CNTN5: variants seen among roughly 807,000 people sequenced by gnomAD.
CNTN5 encodes the protein contactin-5.
CNTN5 carries 77 observed loss-of-function variants against 129.1 expected under a neutral mutation model. The ratio of observed to expected loss-of-function variants is 0.60; its 90% CI spans 0.50 to 0.72. CNTN5 has a LOEUF of 0.72. Among genes scored for constraint, CNTN5 ranks in the 30% least tolerant of loss-of-function variants. The probability of loss-of-function intolerance (pLI) is 0.00; values close to 1 mark genes in which losing one functional copy is unlikely to be tolerated. For synonymous variants in CNTN5, 509 were observed against 465.6 expected, an observed-to-expected ratio of 1.09 and a Z score of -1.20; for missense variants, 1,478 against 1,328.8, an observed-to-expected ratio of 1.11 and a Z score of -1.75.
In CNTN5 at chr11:99,131,249, G is replaced by GAAAAAAAAAAAAAAAAAA. The variant is rs71046664; in HGVS notation, c.-210+109994_-210+109995insAAAAAAAAAAAAAAAAAA. Among the ~76,000 whole-genome samples the GAAAAAAAAAAAAAAAAAA allele has an allele frequency of 3.0e-5, 2 of 67,190 alleles. 1 individual carries two copies. 44.1% of individuals were successfully genotyped at this position (67,190 alleles called of 152,430 possible). A position where few individuals can be genotyped will look rare whatever the true frequency, so the allele number is the denominator to read the frequency against. ...GGTGACAGAGTGAGACTCCATCTCA[G>GAAAAAAAAAAAAAAAAAA]AAAAAAAAAAAAAAAGAAAAATTTA... is the stretch of plus-strand genomic sequence containing the variant. On this transcript the variant is annotated intron_variant, in intron 1 of 24. Coordinates refer to ENST00000524871, the MANE Select transcript of CNTN5 (RefSeq NM_014361.4).
At chr11:100,138,434 T>C (rs1223846060) in intron 13 of CNTN5, among the ~76,000 whole-genome samples, 1 of 152,042 alleles carries the variant, frequency 6.6e-6, no homozygotes, top group Non-Finnish European at 1.5e-5. Context: ...GACATTTTTG[T>C]AAAGAATGTG....
chr11:99,403,088 G>C (rs1047994087), intron 2 of CNTN5, among the ~76,000 whole-genome samples: 4 of 149,422 alleles, frequency 2.7e-5, no homozygotes, highest in African/African-American at 9.8e-5. Flanking sequence ...CTCACTGCAA[G>C]CTCCACCTCC....
intron 1 of CNTN5, among the ~76,000 whole-genome samples, chr11:99,043,259 T>C (rs938488090): frequency 2.6e-5 from 4 of 151,704 alleles, no homozygotes; most frequent in African/African-American, 9.7e-5. Context: ...GCATTAGGTA[T>C]ATCTCCCAAT....
At chr11:99,792,717 A>G (rs1945796206) in intron 3 of CNTN5, among the ~76,000 whole-genome samples, 1 of 151,980 alleles carries the variant, frequency 6.6e-6, no homozygotes, top group Non-Finnish European at 1.5e-5. Context: ...GCTCCTCTTT[A>G]TACATCTGGC....
At chr11:100,058,433 C>T (rs891121860) in intron 9 of CNTN5, among the ~76,000 whole-genome samples, 1 of 152,102 alleles carries the variant, frequency 6.6e-6, no homozygotes, top group Non-Finnish European at 1.5e-5. Flanking sequence ...ACCATGAACT[C>T]ACCAACGAAT....
chr11:99,068,391 C>T (rs769843914), intron 1 of CNTN5, among the ~76,000 whole-genome samples: 10 of 152,026 alleles, frequency 6.6e-5, no homozygotes, highest in Admixed American at 1.3e-4. Flanking sequence ...TAGATGAAAG[C>T]GGAGTGCACA....
intron 3 of CNTN5, among the ~76,000 whole-genome samples, chr11:99,684,832 A>G (rs966883681): frequency 6.6e-6 from 1 of 151,598 alleles, no homozygotes; most frequent in African/African-American, 2.4e-5. Flanking sequence ...ATGAATTTAT[A>G]TCTTCTCTTT....
rs1162212345 is a variant in CNTN5, at chr11:100,286,815, G to A, written c.2315-10810G>A. Reference sequence around the variant, plus strand: ...AGATGATCAAATTACTCTGAGCTACGGGAGGACATTCAAACCAAAGGCAAG... The same window carrying A: ...AGATGATCAAATTACTCTGAGCTACAGGAGGACATTCAAACCAAAGGCAAG... On this transcript the variant is annotated intron_variant, in intron 18 of 24. Coordinates refer to ENST00000524871, the MANE Select transcript of CNTN5 (RefSeq NM_014361.4). Among the ~76,000 whole-genome samples, 11 of 149,762 alleles carry A rather than the reference G, an allele frequency of 7.3e-5. 1 individual carries two copies. Among genetic ancestry groups the A allele is most frequent in the South Asian group, 2.1e-4 (1 of 4,698 alleles).
At chr11:99,764,683 T>C (rs1381841381) in intron 3 of CNTN5, among the ~76,000 whole-genome samples, 1 of 152,192 alleles carries the variant, frequency 6.6e-6, no homozygotes, top group East Asian at 1.9e-4. Context: ...CCCAAAGTGA[T>C]GAAATCAATT....
intron 3 of CNTN5, among the ~76,000 whole-genome samples, chr11:99,588,210 G>A (rs1949865660): frequency 6.6e-6 from 1 of 152,056 alleles, no homozygotes; most frequent in African/African-American, 2.4e-5. Context: ...TGGGCCTATT[G>A]GCGGACGCCT....
At chr11:99,892,998 T>G (rs1802159966) in intron 6 of CNTN5, among the ~76,000 whole-genome samples, 1 of 152,210 alleles carries the variant, frequency 6.6e-6, no homozygotes, top group African/African-American at 2.4e-5. Flanking sequence ...ATATATTGCA[T>G]GAGCATTAAG....
At chr11:99,516,813 T>C (rs1947071718) in intron 2 of CNTN5, among the ~76,000 whole-genome samples, 3 of 152,130 alleles carry the variant, frequency 2.0e-5, no homozygotes, top group Admixed American at 2.0e-4. Flanking sequence ...AGAACTTGTT[T>C]TTTCATTTCA....
intron 18 of CNTN5, among the ~76,000 whole-genome samples, chr11:100,283,810 G>A (rs1324624509): frequency 6.6e-6 from 1 of 152,088 alleles, no homozygotes; most frequent in African/African-American, 2.4e-5. Flanking sequence ...GCCGGGCGCG[G>A]TAGCGGGCAC....
intron 3 of CNTN5, among the ~76,000 whole-genome samples, chr11:99,630,346 C>T (rs1951296614): frequency 6.6e-6 from 1 of 151,800 alleles, no homozygotes; most frequent in Admixed American, 6.6e-5. Flanking sequence ...ATTTTCAGGA[C>T]ATCAGGGTGG....
chr11:99,259,182 A>G (rs1180694399), intron 1 of CNTN5, among the ~76,000 whole-genome samples: 1 of 151,924 alleles, frequency 6.6e-6, no homozygotes, highest in Non-Finnish European at 1.5e-5. Flanking sequence ...CTATGCACAA[A>G]TTATGTATCC....
rs138634120 is a variant in CNTN5 at position 99,423,996 on chromosome 11, C to T, written c.-71+98512C>T. On this transcript the variant is annotated intron_variant, in intron 2 of 24. Transcript: ENST00000524871. Reference sequence around the variant, plus strand: ...ATTTGTGGGTCATAAGTTCCAAGAACCCCATTAGGTGTCTGAAACTTTGGC... The same window carrying T: ...ATTTGTGGGTCATAAGTTCCAAGAATCCCATTAGGTGTCTGAAACTTTGGC... 5.2e-3 allele frequency among the ~76,000 whole-genome samples: 798 copies of T among 152,208 alleles called. 6 individuals are homozygous for T. Among genetic ancestry groups the T allele is most frequent in the Non-Finnish European group, 9.3e-3 (630 of 67,996 alleles).
At chr11:99,762,387 T>C (rs1565501177) in intron 3 of CNTN5, among the ~76,000 whole-genome samples, 1 of 152,042 alleles carries the variant, frequency 6.6e-6, no homozygotes, top group Admixed American at 6.6e-5. Context: ...TTTAGGGTTT[T>C]TATGGTTTTA....
At chr11:100,154,339 C>G (rs1483937376) in intron 13 of CNTN5, among the ~76,000 whole-genome samples, 1 of 91,032 alleles carries the variant, frequency 1.1e-5, no homozygotes, top group East Asian at 4.7e-4. Context: ...TTTTCTTTAT[C>G]CAGTCTATCA....
At chr11:100,023,726 T>G (rs995831945) in intron 9 of CNTN5, among the ~76,000 whole-genome samples, 8 of 152,220 alleles carry the variant, frequency 5.3e-5, no homozygotes, top group Admixed American at 2.0e-4. Flanking sequence ...GTTTTACCTC[T>G]TCCAGAATAT....
Sources: allele counts gnomAD v4.1 joint callset (sites outside exome capture counted in the v4.1 genomes callset), GRCh38; gene constraint gnomAD v4.1.1; transcripts MANE v1.5; gene names NCBI Gene and HGNC (gene_info 2026-07-23, HGNC 2026-07-21).